GALNTL5: variants seen among roughly 807,000 people sequenced by gnomAD.
GALNTL5 encodes inactive polypeptide N-acetylgalactosaminyltransferase-like protein 5.
In GALNTL5, 44 loss-of-function variants were observed where a neutral mutation model predicts 51.0. The observed-to-expected ratio is 0.86, with a 90% CI of 0.68 to 1.11. The LOEUF is 1.11. Ranked by LOEUF, GALNTL5 falls within the 50% of genes least tolerant of loss-of-function variation. The pLI is 0.00. For synonymous variants in GALNTL5, 192 were observed against 182.8 expected, an observed-to-expected ratio of 1.05 and a Z score of -0.41; for missense variants, 528 against 531.8, an observed-to-expected ratio of 0.99 and a Z score of 0.07.
rs759086684 is a variant in GALNTL5 at position 152,002,718 on chromosome 7, T to A, written c.663T>A (p.Asp221Glu). Residue 221 changes from aspartate (D) to glutamate (E), a missense_variant, in exon 6 of 9, where the codon GAT (aspartate) becomes GAA (glutamate). Transcript: ENST00000392800. The part of the protein sequence containing the change: ...RLIGASHASG[D>E]VLVFLDSHCE... Reference sequence around the variant, plus strand: ...GCCCTGTTCTTGCCTCCCCAGGGGATGTTCTGGTGTTCCTGGACAGCCACT... The same window carrying A: ...GCCCTGTTCTTGCCTCCCCAGGGGAAGTTCTGGTGTTCCTGGACAGCCACT... 3.1e-6 allele frequency: 5 copies of A among 1,613,976 alleles called. No homozygotes were observed. The highest frequency in any genetic ancestry group is 2.5e-6 in the Non-Finnish European group (3 of 1,179,992).
chr7:151,961,098 C>T (rs114100118), intron 1 of GALNTL5, among the ~76,000 whole-genome samples: 230 of 152,172 alleles, frequency 1.5e-3, no homozygotes, highest in African/African-American at 4.5e-3. Flanking sequence ...AGGCCAAAGA[C>T]GGAGGATCAC....
At chr7:151,981,004 C>T (rs2081277064) in intron 3 of GALNTL5, among the ~76,000 whole-genome samples, 1 of 152,010 alleles carries the variant, frequency 6.6e-6, no homozygotes, top group South Asian at 2.1e-4. Context: ...CTCAGCCTCC[C>T]AAAGTGCTGG....
chr7:151,997,284 T>C (rs1392384234), intron 5 of GALNTL5, among the ~76,000 whole-genome samples: 1 of 152,208 alleles, frequency 6.6e-6, no homozygotes, highest in Non-Finnish European at 1.5e-5. Context: ...TGATAGGTCA[T>C]CTAGCACATG....
chr7:152,018,663 A>G (rs2081849729), intron 8 of GALNTL5, among the ~76,000 whole-genome samples: 1 of 152,180 alleles, frequency 6.6e-6, no homozygotes, highest in South Asian at 2.1e-4. Context: ...TTGGACAGGA[A>G]GATGTGCCTA....
intron 5 of GALNTL5, among the ~76,000 whole-genome samples, chr7:151,989,200 A>G (rs901054778): frequency 4.6e-5 from 7 of 150,868 alleles, no homozygotes; most frequent in African/African-American, 1.7e-4. Flanking sequence ...CCCAGGATGG[A>G]GTGCAGTGGT....
At position 151,993,755 on chromosome 7, in the gene GALNTL5, A is replaced by C. The variant is rs113102841; in HGVS notation, c.658+6474A>C. On this transcript the variant is annotated intron_variant, in intron 5 of 8. Transcript: ENST00000392800. The stretch of plus-strand genomic sequence containing the variant: ...CCACCTTAGCCTCTCAAATGTTGGA[A>C]TTGCAAGCAGGAGTCACCACACCTG... Among the ~76,000 whole-genome samples, 1,029 of 151,996 alleles carry C rather than the reference A, an allele frequency of 6.8e-3. 12 individuals are homozygous for C. The highest frequency in any genetic ancestry group is 0.024 in the African/African-American group (992 of 41,432).
Position 151,967,302 on chromosome 7 carries a change from G to A in GALNTL5, c.56G>A (p.Trp19Ter). The A allele has an allele frequency of 6.2e-7, 1 of 1,613,904 alleles. No homozygotes were observed. Among genetic ancestry groups the A allele is most frequent in the Non-Finnish European group, 8.5e-7 (1 of 1,179,802 alleles). ...LFYGSLTFGI[W>*]TALLFIYLHH... ...TATGGGTCCTTGACATTTGGGATCT[G>A]GACAGCTCTGTTATTCATATATTTG... The change falls in exon 2 of 9, where the codon TGG becomes TAG. Residue 19 changes from tryptophan to a stop codon, truncating the protein, a stop_gained. Transcript: ENST00000392800. LOFTEE classifies it high-confidence loss of function.
At chr7:151,967,528 A>C in intron 2 of GALNTL5, 35 bp downstream of exon 2, 1 of 1,586,784 alleles carries the variant, frequency 6.3e-7, no homozygotes, top group Non-Finnish European at 8.6e-7. Context: ...TAGCCATTTG[A>C]AGGGGAAAAT....
At chr7:151,996,378 TC>T (rs530577554) in intron 5 of GALNTL5, among the ~76,000 whole-genome samples, 69 of 150,330 alleles carry the variant, frequency 4.6e-4, no homozygotes, top group African/African-American at 1.7e-3. Flanking sequence ...CCCACAACAG[TC>T]CCCAGAGTGT....
rs2081128524 is a variant in GALNTL5, at chr7:151,971,029, G to A, written c.332G>A (p.Gly111Asp). The A allele has an allele frequency of 6.2e-7, 1 of 1,611,530 alleles. No individual in the cohort carries two copies. Among genetic ancestry groups the A allele is most frequent in the South Asian group, 1.1e-5 (1 of 90,980 alleles). Residue 111 changes from glycine (G) to aspartate (D), a missense_variant, in exon 3 of 9, where the codon GGC becomes GAC. Physicochemically the swap from Gly to Asp is moderately conservative, Grantham distance 94 (BLOSUM62 -1). Coordinates refer to ENST00000392800, the MANE Select transcript of GALNTL5 (RefSeq NM_145292.4). The stretch of plus-strand genomic sequence containing the variant: ...AATGTGATTATCAGTAGAAGCTTGG[G>A]CATCGAAAGAGAAGTGCCAGATACC... Reference protein sequence around the residue: ...GFNVIISRSLGIEREVPDTRS... With the variant: ...GFNVIISRSLDIEREVPDTRS...
chr7:151,974,069 G>A (rs972870257), intron 3 of GALNTL5, among the ~76,000 whole-genome samples: 1 of 152,162 alleles, frequency 6.6e-6, no homozygotes, highest in African/African-American at 2.4e-5. Flanking sequence ...CCCCAACCAT[G>A]TGGAACTGTG....
At chr7:152,014,609 T>C (rs377590901) in intron 7 of GALNTL5, 35 bp from the exon 8 acceptor site, 5 of 1,571,496 alleles carry the variant, frequency 3.2e-6, no homozygotes, top group Non-Finnish European at 4.3e-6. Context: ...GCAGTAATAA[T>C]GCATTCGTAT....
At chr7:152,005,747 G>A (rs2081634520) in intron 6 of GALNTL5, among the ~76,000 whole-genome samples, 1 of 152,140 alleles carries the variant, frequency 6.6e-6, no homozygotes, top group East Asian at 1.9e-4. Context: ...TAATCAAATT[G>A]TTCTGTTACT....
At chr7:152,001,923 G>A (rs907698765) in intron 5 of GALNTL5, among the ~76,000 whole-genome samples, 1 of 151,948 alleles carries the variant, frequency 6.6e-6, no homozygotes, top group Non-Finnish European at 1.5e-5. Context: ...TGAAGTTTGG[G>A]GTTCCTTCTA....
chr7:151,987,962 A>T lies in GALNTL5; in HGVS notation c.658+681A>T, dbSNP rs187816210. On this transcript the variant is annotated intron_variant, in intron 5 of 8. Transcript: ENST00000392800. ...ACACTGTGCTTGGTCATTGGGTGGC[A>T]GCACCCTGGGAACGGCATGACCTTG... 2.0e-3 allele frequency among the ~76,000 whole-genome samples: 311 copies of T among 152,334 alleles called. 1 individual carries two copies. Among genetic ancestry groups the T allele is most frequent in the African/African-American group, 7.2e-3 (298 of 41,580 alleles).
At chr7:151,969,103 A>G (rs2081094882) in intron 2 of GALNTL5, among the ~76,000 whole-genome samples, 1 of 152,208 alleles carries the variant, frequency 6.6e-6, no homozygotes, top group African/African-American at 2.4e-5. Context: ...CAAAAAGCAC[A>G]ATTTTACATT....
intron 5 of GALNTL5, among the ~76,000 whole-genome samples, chr7:152,002,059 C>T (rs2081586459): frequency 6.6e-6 from 1 of 152,138 alleles, no homozygotes; most frequent in Non-Finnish European, 1.5e-5. Flanking sequence ...GTGGGCGGAT[C>T]ACCTGAGGTC....
At chr7:152,009,072 T>A (rs1450191619) in intron 7 of GALNTL5, among the ~76,000 whole-genome samples, 2 of 152,222 alleles carry the variant, frequency 1.3e-5, no homozygotes, top group African/African-American at 4.8e-5. Context: ...CCTTTCCTGA[T>A]GGCCTGTCAT....
intron 5 of GALNTL5, among the ~76,000 whole-genome samples, chr7:151,991,786 T>C (rs2081431747): frequency 6.6e-6 from 1 of 152,174 alleles, no homozygotes; most frequent in Non-Finnish European, 1.5e-5. Context: ...TCTGCAAGTG[T>C]CTTAGCTAGG....
Sources: allele counts gnomAD v4.1 joint callset (sites outside exome capture counted in the v4.1 genomes callset), GRCh38; gene constraint gnomAD v4.1.1; transcripts MANE v1.5; gene names NCBI Gene and HGNC (gene_info 2026-07-23, HGNC 2026-07-21).